Variants in COPS9 observed in about 807,000 individuals in gnomAD.
The protein encoded by COPS9 is COP9 signalosome complex subunit 9.
A neutral mutation model predicts 7.2 loss-of-function variants in COPS9; 8 were observed. That is an observed-to-expected ratio of 1.11 (90% CI 0.65 to 2.00). The LOEUF (loss-of-function observed/expected upper bound fraction) is 2.00. Among genes scored for constraint, COPS9 ranks in the 30% most tolerant of loss-of-function variants. COPS9 has a pLI of 0.00. For missense variants in COPS9, 74 were observed against 77.7 expected (o/e 0.95, Z 0.18); for synonymous variants, 39 against 28.7 (o/e 1.36, Z -1.14).
intron 1 of COPS9, 188 bp downstream of exon 1, chr2:240,136,034 G>C: frequency 2.0e-6 from 2 of 994,998 alleles, no homozygotes; most frequent in African/African-American, 1.7e-5. Context: ...GCCGCGGTCG[G>C]TCGCCGCCTT....
downstream of COPS9, chr2:240,129,846 G>C: frequency 6.9e-7 from 1 of 1,454,676 alleles, no homozygotes; most frequent in Non-Finnish European, 9.5e-7. Context: ...GTGGGTCTCA[G>C]AAACAAAGCG....
chr2:240,128,715 T>C (rs1404361537), downstream of COPS9, among the ~76,000 whole-genome samples: 1 of 152,120 alleles, frequency 6.6e-6, no homozygotes, highest in African/African-American at 2.4e-5. Context: ...GGAGTGACCG[T>C]GGCTGGGCCC....
At chr2:240,129,957 T>A, downstream of COPS9, 1 of 1,613,996 alleles carries the variant, frequency 6.2e-7, no homozygotes, top group Admixed American at 1.7e-5. Context: ...ACGGACCCCG[T>A]GCTCCGACTG....
At position 240,135,486 on chromosome 2, in the gene COPS9, A is replaced by G. The variant is rs1344520296; in HGVS notation, c.63+736T>C. Among the ~76,000 whole-genome samples, 5 of 152,174 alleles carry G rather than the reference A, an allele frequency of 3.3e-5. No homozygotes were observed. The South Asian group carries it at 1.0e-3, about 32-fold the overall frequency. On this transcript the variant is annotated intron_variant, in intron 1 of 2. Coordinates refer to ENST00000607357, the MANE Select transcript of COPS9 (RefSeq NM_001163424.2). ...GCCCCTAAGCTTTGAGAAAGAGCAC[A>G]TAAGGCCCTGACATGTAGGAGCTGG...
downstream of COPS9, chr2:240,126,710 T>A: frequency 6.2e-7 from 1 of 1,614,224 alleles, no homozygotes; most frequent in Non-Finnish European, 8.5e-7. Flanking sequence ...GCCTGCTTCT[T>A]GTGGTTCTGA....
downstream of COPS9, among the ~76,000 whole-genome samples, chr2:240,130,666 C>T (rs1481372087): frequency 1.3e-5 from 2 of 152,236 alleles, no homozygotes; most frequent in African/African-American, 4.8e-5. Flanking sequence ...CCTCCTGCTC[C>T]AGCACATACA....
chr2:240,131,600 T>G (rs986188665), intron 2 of COPS9, among the ~76,000 whole-genome samples: 12 of 152,318 alleles, frequency 7.9e-5, no homozygotes, highest in African/African-American at 2.6e-4. Context: ...TGAATGATAC[T>G]CAAGCCTGAG....
downstream of COPS9, chr2:240,126,682 T>C (rs370478797): frequency 2.5e-5 from 41 of 1,614,114 alleles, no homozygotes; most frequent in Non-Finnish European, 2.8e-5. Context: ...GATATTGTGC[T>C]GTCTTCGCTG....
In COPS9 at chr2:240,131,058, A is replaced by G; in HGVS notation, c.167T>C (p.Ile56Thr). ...CTGCAGCCAGAGGGCATCTCACTGGATGTCATCATCATCAAAAAGATCTTC... is the reference window on the plus strand; with the variant it reads ...CTGCAGCCAGAGGGCATCTCACTGGGTGTCATCATCATCAAAAAGATCTTC... ...DFEDLFDDDD[I>T]Q The change falls in exon 3 of 3, where the codon ATC becomes ACC. Residue 56 changes from isoleucine to threonine, a missense_variant. Physicochemically the swap from Ile to Thr is moderately conservative, Grantham distance 89 (BLOSUM62 -1). Transcript: ENST00000607357. 2 of 1,613,090 alleles carry G rather than the reference A, an allele frequency of 1.2e-6. No individual in the cohort carries two copies. The highest frequency in any genetic ancestry group is 1.7e-6 in the Non-Finnish European group (2 of 1,179,726).
At chr2:240,129,584 C>T (rs550556746), downstream of COPS9, among the ~76,000 whole-genome samples, 2 of 152,310 alleles carry the variant, frequency 1.3e-5, no homozygotes, top group East Asian at 1.9e-4. Context: ...CCCTGTGGGA[C>T]TGCGATAAAC....
At position 240,136,132 on chromosome 2, in the gene COPS9, C is replaced by A. The variant is rs115523889; in HGVS notation, c.63+90G>T. ...CCCATCGCCCACCCGCCCGGCCTCC[C>A]CTCCCCGGGACCCGCGCACCAGGAC... On this transcript the variant is annotated intron_variant, in intron 1 of 2. Transcript: ENST00000607357. 11,365 of 1,362,246 alleles carry A rather than the reference C, an allele frequency of 8.3e-3. 112 individuals carry two copies. The highest frequency in any genetic ancestry group is 0.055 in the African/African-American group (3,570 of 65,400). The allele number at this position is 1,362,246 out of a possible 1,614,324, so 84.4% of individuals were successfully genotyped here. A position where few individuals can be genotyped will look rare whatever the true frequency, so the allele number is the denominator to read the frequency against.
At chr2:240,134,093 AAAAG>A (rs775629925) in intron 1 of COPS9, 88 bp from the exon 2 acceptor site, 1 of 1,223,748 alleles carries the variant, frequency 8.2e-7, no homozygotes, top group Non-Finnish European at 1.2e-6. Flanking sequence ...CCCCCACAAA[AAAAG>A]AAGATGGGTG....
Position 240,136,203 on chromosome 2 carries a change from C to A in COPS9, c.63+19G>T. On this transcript the variant is annotated intron_variant, in intron 1 of 2. Coordinates refer to ENST00000607357, the MANE Select transcript of COPS9 (RefSeq NM_001163424.2). ...TCCCCGCTCCCCACGCTCGGAGACT[C>A]CCGCCGGGCCCGTGCCACCTCGTCC... 2.0e-6 allele frequency: 3 copies of A among 1,519,900 alleles called. No individual in the cohort carries two copies. The African/African-American group carries it at 4.3e-5, about 22-fold the overall frequency. The allele number at this position is 1,519,900 out of a possible 1,614,324, so 94.2% of individuals were successfully genotyped here. A position where few individuals can be genotyped will look rare whatever the true frequency, so the allele number is the denominator to read the frequency against.
downstream of COPS9, chr2:240,130,724 G>A: frequency 9.5e-7 from 1 of 1,055,704 alleles, no homozygotes; most frequent in Non-Finnish European, 1.2e-6. Context: ...GGTTCTCTCA[G>A]CGTGCTGACA....
Position 240,131,001 on chromosome 2 carries a change from ACTGCGGCTCTGTACCAAGGGCTTGG to A in COPS9, c.*25_*49del. 6.2e-7 allele frequency: 1 copy of A among 1,606,208 alleles called. No homozygotes were observed. Among genetic ancestry groups the A allele is most frequent in the Non-Finnish European group, 8.5e-7 (1 of 1,177,000 alleles). On this transcript the variant is annotated 3_prime_UTR_variant, in exon 3 of 3. Transcript: ENST00000607357. ...CTGAAACTGTCCTGCGCAGGCTCAC[ACTGCGGCTCTGTACCAAGGGCTTGG>A]CCCCGCCTGCAGCCAGAGGGCATCT...
At chr2:240,130,103 A>T (rs2071906605), downstream of COPS9, 1 of 1,206,720 alleles carries the variant, frequency 8.3e-7, no homozygotes, top group South Asian at 1.3e-5. Context: ...TGAGAAAAAG[A>T]GGCAGAGCTG....
In COPS9 at chr2:240,131,077, G is replaced by T. The variant is rs769280248; in HGVS notation, c.148C>A (p.Leu50Ile). 2 of 1,612,832 alleles carry T rather than the reference G, an allele frequency of 1.2e-6. No individual in the cohort carries two copies. The highest frequency in any genetic ancestry group is 8.5e-7 in the Non-Finnish European group (1 of 1,179,596). Residue 50 changes from leucine to isoleucine, a missense_variant, in exon 3 of 3, where the codon CTT becomes ATT. Leu to Ile is a conservative substitution (Grantham distance 5). Coordinates refer to ENST00000607357, the MANE Select transcript of COPS9 (RefSeq NM_001163424.2). ...CACTGGATGTCATCATCATCAAAAA[G>T]ATCTTCAAAATCTAGGGAAATAAGC... Reference protein sequence around the residue: ...HADFFNDFEDLFDDDDIQ With the variant: ...HADFFNDFEDIFDDDDIQ
intron 1 of COPS9, among the ~76,000 whole-genome samples, chr2:240,135,331 C>T (rs568261141): frequency 6.6e-6 from 1 of 151,514 alleles, no homozygotes; most frequent in South Asian, 2.1e-4. Flanking sequence ...TTTGCTGAGC[C>T]CCCTCAAAGC....
chr2:240,129,313 C>T (rs2071896911), downstream of COPS9, among the ~76,000 whole-genome samples: 1 of 152,192 alleles, frequency 6.6e-6, no homozygotes, highest in Non-Finnish European at 1.5e-5. Context: ...TAGGCACGTG[C>T]CACCATGCTC....
Sources: allele counts gnomAD v4.1 joint callset (sites outside exome capture counted in the v4.1 genomes callset), GRCh38; gene constraint gnomAD v4.1.1; transcripts MANE v1.5; gene names NCBI Gene and HGNC (gene_info 2026-07-23, HGNC 2026-07-21).